GRIK1: variants seen among roughly 807,000 people sequenced by gnomAD.
GRIK1 encodes the protein glutamate ionotropic receptor kainate type subunit 1, also known as glutamate receptor ionotropic, kainate 1.
Under a neutral mutation model 105.7 loss-of-function variants are expected in GRIK1, and 69 were observed. The observed-to-expected ratio is 0.65, with a 90% confidence interval of 0.54 to 0.80. The LOEUF is 0.80. Among genes scored for constraint, GRIK1 ranks in the 30% least tolerant of loss-of-function variants. The pLI, the probability that GRIK1 is intolerant of heterozygous loss-of-function variation, is 0.00. For synonymous variants in GRIK1, 438 were observed against 431.3 expected (o/e 1.02, Z -0.19); for missense variants, 1,109 against 1,167.3 (o/e 0.95, Z 0.73).
intron 15 of GRIK1, among the ~76,000 whole-genome samples, chr21:29,559,903 T>C (rs550738527): frequency 6.6e-6 from 1 of 152,294 alleles, no homozygotes; most frequent in East Asian, 1.9e-4. Context: ...GGCAGCTGTC[T>C]CTTTTAGGTA....
chr21:29,812,954 T>C (rs149782848), intron 1 of GRIK1, among the ~76,000 whole-genome samples: 5 of 152,188 alleles, frequency 3.3e-5, no homozygotes, highest in East Asian at 1.9e-4. Context: ...AGAGAAAAAA[T>C]TGTACGTAGG....
chr21:29,765,721 A>C (rs987436949), intron 1 of GRIK1, among the ~76,000 whole-genome samples: 1 of 152,114 alleles, frequency 6.6e-6, no homozygotes, highest in Non-Finnish European at 1.5e-5. Context: ...CCCTCTGACA[A>C]ATACAGCAAA....
chr21:29,724,398 A>T (rs1173510518), intron 1 of GRIK1, among the ~76,000 whole-genome samples: 3 of 152,120 alleles, frequency 2.0e-5, no homozygotes, highest in Non-Finnish European at 4.4e-5. Flanking sequence ...TTCTTCATCC[A>T]CTGAGGGCTG....
chr21:29,801,840 C>A (rs1406877598), intron 1 of GRIK1, among the ~76,000 whole-genome samples: 1 of 152,082 alleles, frequency 6.6e-6, no homozygotes, highest in Non-Finnish European at 1.5e-5. Flanking sequence ...TAAGGCAATT[C>A]TTTGACGACT....
chr21:29,581,945 A>G (rs1248950215), intron 12 of GRIK1, among the ~76,000 whole-genome samples: 3 of 152,324 alleles, frequency 2.0e-5, no homozygotes, highest in East Asian at 3.9e-4. Context: ...TACAATGTCA[A>G]GATATTGTGT....
chr21:29,662,350 A>C (rs1003982969), intron 4 of GRIK1, among the ~76,000 whole-genome samples: 3 of 152,226 alleles, frequency 2.0e-5, no homozygotes, highest in African/African-American at 7.2e-5. Flanking sequence ...ACAGGAGAGA[A>C]TGGAACTTTT....
chr21:29,914,413 T>C (rs2070924293), intron 1 of GRIK1, among the ~76,000 whole-genome samples: 1 of 152,022 alleles, frequency 6.6e-6, no homozygotes, highest in African/African-American at 2.4e-5. Flanking sequence ...TCTTCCTCCT[T>C]CTCCATTTCC....
chr21:29,731,096 G>T (rs1010916211), intron 1 of GRIK1, among the ~76,000 whole-genome samples: 2 of 152,216 alleles, frequency 1.3e-5, no homozygotes, highest in Non-Finnish European at 2.9e-5. Flanking sequence ...AATGAGGACT[G>T]TAAGGTGGAT....
At chr21:29,860,694 T>A (rs1169027529) in intron 1 of GRIK1, among the ~76,000 whole-genome samples, 1 of 152,230 alleles carries the variant, frequency 6.6e-6, no homozygotes, top group Non-Finnish European at 1.5e-5. Flanking sequence ...GAGAGTTAGA[T>A]AATTATTGCA....
At chr21:29,560,596 C>CTTT (rs2090454972) in intron 15 of GRIK1, among the ~76,000 whole-genome samples, 1 of 124,554 alleles carries the variant, frequency 8.0e-6, no homozygotes, top group Non-Finnish European at 1.6e-5. Context: ...TTCTTTCTCT[C>CTTT]CTTCCTTCCT....
At chr21:29,794,147 TGATAA>T (rs1285535852) in intron 1 of GRIK1, among the ~76,000 whole-genome samples, 1 of 152,160 alleles carries the variant, frequency 6.6e-6, no homozygotes, top group African/African-American at 2.4e-5. Flanking sequence ...GGATTTTGTT[TGATAA>T]GATAATTATA....
chr21:29,779,821 T>C (rs1483908606), intron 1 of GRIK1, among the ~76,000 whole-genome samples: 1 of 152,208 alleles, frequency 6.6e-6, no homozygotes, highest in Non-Finnish European at 1.5e-5. Flanking sequence ...GGAACAACTT[T>C]TGCTGGAGGT....
intron 1 of GRIK1, among the ~76,000 whole-genome samples, chr21:29,801,677 A>C (rs914984876): frequency 6.6e-6 from 1 of 152,200 alleles, no homozygotes; most frequent in Non-Finnish European, 1.5e-5. Flanking sequence ...TAATTTTCAC[A>C]TACGCAGATA....
intron 1 of GRIK1, among the ~76,000 whole-genome samples, chr21:29,780,497 G>A (rs1353276904): frequency 2.0e-5 from 3 of 152,188 alleles, no homozygotes; most frequent in Non-Finnish European, 1.5e-5. Flanking sequence ...TACCCCAGAG[G>A]TTGCTTAAGA....
At chr21:29,553,533 T>C (rs2090172583) in intron 16 of GRIK1, 1 of 197,154 alleles carries the variant, frequency 5.1e-6, no homozygotes. Flanking sequence ...TGGGCACATC[T>C]TTTTTTTTTT....
intron 1 of GRIK1, among the ~76,000 whole-genome samples, chr21:29,773,028 T>G (rs913706824): frequency 6.6e-6 from 1 of 152,110 alleles, no homozygotes; most frequent in African/African-American, 2.4e-5. Context: ...GGTGGTGATG[T>G]TGAGGGAGAG....
chr21:29,885,497 C>T (rs1425979548), intron 1 of GRIK1, among the ~76,000 whole-genome samples: 1 of 151,908 alleles, frequency 6.6e-6, no homozygotes, highest in African/African-American at 2.4e-5. Flanking sequence ...AGAATTTAGC[C>T]CTTGATTAAA....
rs1182394544 is a variant in GRIK1 at position 29,537,337 on chromosome 21, T to G, written c.2743A>C (p.Asn915His). 6.2e-7 allele frequency: 1 copy of G among 1,611,502 alleles called. No homozygotes were observed. Among genetic ancestry groups the G allele is most frequent in the African/African-American group, 1.3e-5 (1 of 74,742 alleles). The change falls in exon 18 of 18, where the codon AAT becomes CAT. Residue 915 changes from asparagine to histidine, a missense_variant. Coordinates refer to ENST00000327783, the MANE Select transcript of GRIK1 (RefSeq NM_001330994.2). The part of the protein sequence containing the change: ...IMEELGISLK[N>H]QKKIKKKSRT... ...GACTTTTTCTTTATTTTTTTCTGATTCTTCAGTGAGATTCCCAGTTCTTCC... is the reference window on the plus strand; with the variant it reads ...GACTTTTTCTTTATTTTTTTCTGATGCTTCAGTGAGATTCCCAGTTCTTCC...
Position 29,813,797 on chromosome 21 carries a change from A to G in GRIK1, c.119-119734T>C, listed in dbSNP as rs187961400. On this transcript the variant is annotated intron_variant, in intron 1 of 17. Coordinates refer to ENST00000327783, the MANE Select transcript of GRIK1 (RefSeq NM_001330994.2). The stretch of plus-strand genomic sequence containing the variant: ...CTTACATAATACTGTAATGCAAACC[A>G]GATTCATAATCATCTCAGTTCCAGC... 1.4e-3 allele frequency among the ~76,000 whole-genome samples: 207 copies of G among 152,214 alleles called. 1 individual carries two copies. Among genetic ancestry groups the G allele is most frequent in the African/African-American group, 4.7e-3 (196 of 41,566 alleles).
Sources: gnomAD v4.1 joint callset for allele counts (sites outside exome capture counted in the v4.1 genomes callset) on GRCh38, gnomAD v4.1.1 for gene constraint, MANE v1.5 for transcripts, NCBI Gene and HGNC (gene_info 2026-07-23, HGNC 2026-07-21) for gene names.